Variants in PLCB1 observed in about 807,000 individuals in gnomAD.
PLCB1 encodes 1-phosphatidylinositol 4,5-bisphosphate phosphodiesterase beta-1.
Under a neutral mutation model 161.8 loss-of-function variants are expected in PLCB1, and 46 were observed. The ratio of observed to expected loss-of-function variants is 0.28; its 90% CI spans 0.22 to 0.36. The LOEUF (loss-of-function observed/expected upper bound fraction) is 0.36, where lower values mean the gene tolerates loss of function less well. PLCB1 is among the 10% of genes least tolerant of loss of function. The probability of loss-of-function intolerance (pLI) is 1.00; values close to 1 mark genes in which losing one functional copy is unlikely to be tolerated. For synonymous variants in PLCB1, 517 were observed against 503.7 expected (o/e 1.03, Z -0.35); for missense variants, 1,016 against 1,472.5 (o/e 0.69, Z 5.07).
intron 3 of PLCB1, 26 bp from the exon 4 acceptor site, chr20:8,628,268 A>T: frequency 6.3e-7 from 1 of 1,574,824 alleles, no homozygotes; most frequent in Non-Finnish European, 8.7e-7. Context: ...GTTATAGACT[A>T]ATTATTTTCA....
rs74574790 is a variant in PLCB1, at chr20:8,362,089, A to G, written c.178-9293A>G. On this transcript the variant is annotated intron_variant, in intron 2 of 31. Transcript: ENST00000338037. ...TTTTTTTTAACTCTGAGTTCTGAAT[A>G]CATGCAACATCATTCATTCTTCATC... 6.6e-3 allele frequency among the ~76,000 whole-genome samples: 1,001 copies of G among 152,328 alleles called. 12 individuals are homozygous for G. The highest frequency in any genetic ancestry group is 0.041 in the Middle Eastern group (12 of 292).
chr20:8,229,312 A>G (rs970778144), intron 2 of PLCB1, among the ~76,000 whole-genome samples: 2 of 152,140 alleles, frequency 1.3e-5, no homozygotes, highest in African/African-American at 2.4e-5. Flanking sequence ...ATAATTATTA[A>G]TTTAAATAGA....
chr20:8,562,763 C>G (rs1458100330), intron 3 of PLCB1, among the ~76,000 whole-genome samples: 1 of 152,032 alleles, frequency 6.6e-6, no homozygotes, highest in African/African-American at 2.4e-5. Context: ...TGGGGGTCAT[C>G]TTAACATTAA....
intron 31 of PLCB1, among the ~76,000 whole-genome samples, chr20:8,790,717 G>C (rs1024540288): frequency 6.6e-6 from 1 of 152,194 alleles, no homozygotes; most frequent in African/African-American, 2.4e-5. Flanking sequence ...TCATAAATCA[G>C]AGAAAAGCAA....
intron 3 of PLCB1, among the ~76,000 whole-genome samples, chr20:8,513,587 A>G (rs1023612152): frequency 9.2e-5 from 14 of 152,364 alleles, no homozygotes; most frequent in African/African-American, 3.4e-4. Context: ...GAAGTATTGT[A>G]AGAATTCTGT....
intron 3 of PLCB1, among the ~76,000 whole-genome samples, chr20:8,442,523 T>G (rs1980605505): frequency 6.6e-6 from 1 of 152,218 alleles, no homozygotes; most frequent in African/African-American, 2.4e-5. Flanking sequence ...TTTCAGCATC[T>G]GAATTTTAGA....
chr20:8,169,169 C>T (rs1568576498), intron 2 of PLCB1, among the ~76,000 whole-genome samples: 1 of 152,052 alleles, frequency 6.6e-6, no homozygotes, highest in Non-Finnish European at 1.5e-5. Context: ...GGTGGGGAGC[C>T]ACTGAGGTTA....
intron 3 of PLCB1, among the ~76,000 whole-genome samples, chr20:8,549,362 T>C (rs1985689696): frequency 6.6e-6 from 1 of 152,190 alleles, no homozygotes; most frequent in African/African-American, 2.4e-5. Context: ...TCAGGACTCA[T>C]TGGAATGTCC....
At chr20:8,742,783 A>G (rs936306634) in intron 23 of PLCB1, among the ~76,000 whole-genome samples, 2 of 152,180 alleles carry the variant, frequency 1.3e-5, no homozygotes, top group South Asian at 2.1e-4. Context: ...TAAGTCCCCA[A>G]TTATTGGATA....
At chr20:8,836,700 C>T (rs1290174809) in intron 31 of PLCB1, among the ~76,000 whole-genome samples, 1 of 152,018 alleles carries the variant, frequency 6.6e-6, no homozygotes, top group Non-Finnish European at 1.5e-5. Flanking sequence ...TTATAAGAAG[C>T]AAAGATTTTG....
chr20:8,858,912 C>T (rs200798503), intron 31 of PLCB1, among the ~76,000 whole-genome samples: 1 of 111,564 alleles, frequency 9.0e-6, no homozygotes, highest in Non-Finnish European at 1.8e-5. Flanking sequence ...TTTGAGTGTG[C>T]AAAAAAAAAA....
intron 3 of PLCB1, among the ~76,000 whole-genome samples, chr20:8,586,457 G>T (rs1163808481): frequency 1.3e-5 from 2 of 151,864 alleles, no homozygotes; most frequent in African/African-American, 4.8e-5. Context: ...AAACAAAACT[G>T]TTTAGTGATG....
chr20:8,299,550 G>GTTT (rs1983800607), intron 2 of PLCB1, among the ~76,000 whole-genome samples: 1 of 152,116 alleles, frequency 6.6e-6, no homozygotes, highest in Non-Finnish European at 1.5e-5. Flanking sequence ...TCTTCCATAT[G>GTTT]CCCCTTTTGA....
At chr20:8,359,056 A>G (rs1986455458) in intron 2 of PLCB1, among the ~76,000 whole-genome samples, 1 of 152,226 alleles carries the variant, frequency 6.6e-6, no homozygotes, top group Admixed American at 6.5e-5. Flanking sequence ...CTGAAGCAGC[A>G]ATAGTAGTAA....
At chr20:8,300,358 G>C (rs1413105602) in intron 2 of PLCB1, among the ~76,000 whole-genome samples, 1 of 152,124 alleles carries the variant, frequency 6.6e-6, no homozygotes, top group Non-Finnish European at 1.5e-5. Context: ...ATGGAGATCT[G>C]TTAGTTCCAT....
At chr20:8,269,022 T>A (rs1375786162) in intron 2 of PLCB1, among the ~76,000 whole-genome samples, 1 of 136,152 alleles carries the variant, frequency 7.3e-6, no homozygotes, top group Non-Finnish European at 1.6e-5. Context: ...AAAATGAATT[T>A]ATCTCCTCAG....
intron 31 of PLCB1, among the ~76,000 whole-genome samples, chr20:8,881,149 C>T (rs1013183450): frequency 1.3e-5 from 2 of 151,848 alleles, no homozygotes; most frequent in African/African-American, 2.4e-5. Flanking sequence ...CACAGCCGCA[C>T]GCCACTATAC....
intron 10 of PLCB1, among the ~76,000 whole-genome samples, chr20:8,693,428 T>A (rs1198952881): frequency 6.6e-6 from 1 of 152,132 alleles, no homozygotes; most frequent in East Asian, 1.9e-4. Context: ...AACAGATGCA[T>A]CTAGAGAGGG....
intron 3 of PLCB1, among the ~76,000 whole-genome samples, chr20:8,490,478 A>G (rs537547734): frequency 1.3e-5 from 2 of 152,370 alleles, no homozygotes; most frequent in South Asian, 2.1e-4. Flanking sequence ...ACATTCATGT[A>G]TAGTAAGTCT....
Sources: allele counts gnomAD v4.1 joint callset (sites outside exome capture counted in the v4.1 genomes callset), GRCh38; gene constraint gnomAD v4.1.1; transcripts MANE v1.5; gene names NCBI Gene and HGNC (gene_info 2026-07-23, HGNC 2026-07-21).